OSBPL1A: variants seen among roughly 807,000 people sequenced by gnomAD.
The protein encoded by OSBPL1A is oxysterol binding protein like 1A, also known as oxysterol-binding protein-related protein 1.
OSBPL1A carries 80 observed loss-of-function variants against 137.1 expected under a neutral mutation model. The ratio of observed to expected loss-of-function variants is 0.58; its 90% CI spans 0.49 to 0.70. OSBPL1A has a LOEUF of 0.70. Among genes scored for constraint, OSBPL1A ranks in the 30% least tolerant of loss-of-function variants. The pLI, the probability that OSBPL1A is intolerant of heterozygous loss-of-function variation, is 0.00. For synonymous variants in OSBPL1A, 365 were observed against 389.7 expected, an observed-to-expected ratio of 0.94 and a Z score of 0.75; for missense variants, 970 against 1,129.4, an observed-to-expected ratio of 0.86 and a Z score of 2.02.
At chr18:24,218,703 C>T (rs1159419231) in intron 17 of OSBPL1A, among the ~76,000 whole-genome samples, 2 of 151,944 alleles carry the variant, frequency 1.3e-5, no homozygotes, top group East Asian at 1.9e-4. Context: ...ACCTCGGTCT[C>T]CCAAAGTGCT....
chr18:24,352,797 C>G lies in OSBPL1A; in HGVS notation c.283-11139G>C, dbSNP rs558248782. Among the ~76,000 whole-genome samples the G allele has an allele frequency of 2.0e-3, 302 of 152,106 alleles. 2 individuals carry two copies. Among genetic ancestry groups the G allele is most frequent in the African/African-American group, 7.0e-3 (290 of 41,494 alleles). ...ACTATCTGATCTTTGACAAACCTGA[C>G]AAAAACAAGAAATGGGGAAAGGATT... On this transcript the variant is annotated intron_variant, in intron 4 of 27. Transcript: ENST00000319481.
intron 2 of OSBPL1A, 88 bp downstream of exon 2, chr18:24,377,325 A>G: frequency 7.0e-7 from 1 of 1,427,772 alleles, no homozygotes; most frequent in Non-Finnish European, 9.3e-7. Context: ...GATTAATTAC[A>G]TGATAGATAA....
intron 18 of OSBPL1A, among the ~76,000 whole-genome samples, chr18:24,184,715 T>C (rs1228292105): frequency 6.6e-6 from 1 of 152,174 alleles, no homozygotes; most frequent in African/African-American, 2.4e-5. Context: ...CCCATCTACA[T>C]GCCCCCATCA....
intron 7 of OSBPL1A, among the ~76,000 whole-genome samples, chr18:24,331,681 C>A (rs988391411): frequency 1.3e-5 from 2 of 150,828 alleles, no homozygotes; most frequent in Non-Finnish European, 2.9e-5. Flanking sequence ...CAGGCATGAG[C>A]CACCGCGCCC....
At chr18:24,192,431 T>C (rs939348377) in intron 18 of OSBPL1A, among the ~76,000 whole-genome samples, 1 of 152,190 alleles carries the variant, frequency 6.6e-6, no homozygotes, top group African/African-American at 2.4e-5. Flanking sequence ...AGCCGGAGAT[T>C]TGTTTGTTTG....
chr18:24,222,740 C>CT (rs1423487646), intron 17 of OSBPL1A, among the ~76,000 whole-genome samples: 9 of 152,074 alleles, frequency 5.9e-5, no homozygotes, highest in African/African-American at 2.2e-4. Context: ...AAAAGTTAAG[C>CT]TGGGATTTAA....
At chr18:24,213,574 A>G (rs2087606906) in intron 17 of OSBPL1A, among the ~76,000 whole-genome samples, 1 of 152,058 alleles carries the variant, frequency 6.6e-6, no homozygotes. Flanking sequence ...TCAAAATGAT[A>G]ATAATAATAA....
chr18:24,216,196 C>G (rs2087690519), intron 17 of OSBPL1A, among the ~76,000 whole-genome samples: 1 of 152,146 alleles, frequency 6.6e-6, no homozygotes, highest in Non-Finnish European at 1.5e-5. Flanking sequence ...CCAGACACGC[C>G]TTTGTATTCT....
Position 24,312,858 on chromosome 18 carries a change from T to G in OSBPL1A, c.970-752A>C, listed in dbSNP as rs145744187. Among the ~76,000 whole-genome samples the G allele has an allele frequency of 2.0e-5, 3 of 152,304 alleles. No individual in the cohort carries two copies. In the East Asian group the frequency reaches 5.8e-4, roughly 29 times the overall value. ...TGATTTAAAAGAATAAGAATAGGCC[T>G]GCCGCGGTGGCTCATGCCTGTAATC... On this transcript the variant is annotated intron_variant, in intron 12 of 27. Transcript: ENST00000319481.
intron 15 of OSBPL1A, among the ~76,000 whole-genome samples, chr18:24,259,028 T>C (rs1234920132): frequency 1.3e-5 from 2 of 150,568 alleles, no homozygotes; most frequent in Non-Finnish European, 3.0e-5. Context: ...AGCTCCACTT[T>C]CCGGGTTCAC....
At chr18:24,325,238 AC>A (rs1305710065) in intron 7 of OSBPL1A, among the ~76,000 whole-genome samples, 1 of 152,180 alleles carries the variant, frequency 6.6e-6, no homozygotes, top group Non-Finnish European at 1.5e-5. Context: ...ACACACTCTC[AC>A]ATTCACTTTG....
At chr18:24,280,627 G>T (rs192005894) in intron 15 of OSBPL1A, among the ~76,000 whole-genome samples, 254 of 152,190 alleles carry the variant, frequency 1.7e-3, no homozygotes, top group African/African-American at 5.7e-3. Context: ...ATTAAATATG[G>T]CTACATCAAC....
At chr18:24,264,434 T>C (rs1460973559) in intron 15 of OSBPL1A, among the ~76,000 whole-genome samples, 2 of 152,182 alleles carry the variant, frequency 1.3e-5, no homozygotes, top group African/African-American at 2.4e-5. Flanking sequence ...TAACGCCAAC[T>C]TATAATTCAG....
At chr18:24,285,928 G>A (rs954453105) in intron 14 of OSBPL1A, among the ~76,000 whole-genome samples, 22 of 152,072 alleles carry the variant, frequency 1.4e-4, no homozygotes, top group Admixed American at 3.3e-4. Flanking sequence ...AGGCCGAGGC[G>A]TGCAGATCAC....
intron 4 of OSBPL1A, among the ~76,000 whole-genome samples, chr18:24,343,356 G>A (rs544901151): frequency 3.7e-4 from 56 of 152,210 alleles, no homozygotes; most frequent in South Asian, 1.2e-3. Flanking sequence ...AACATCCAGC[G>A]ATCATGGATG....
chr18:24,271,803 C>T lies in OSBPL1A; in HGVS notation c.1281+9039G>A, dbSNP rs1391664571. 18 of 985,302 alleles carry T rather than the reference C, an allele frequency of 1.8e-5. No individual in the cohort carries two copies. The highest frequency in any genetic ancestry group is 2.2e-5 in the Non-Finnish European group (18 of 829,958). 61.0% of individuals were successfully genotyped at this position (985,302 alleles called of 1,614,324 possible). A position where few individuals can be genotyped will look rare whatever the true frequency, so the allele number is the denominator to read the frequency against. ...CCTAAGTCACCTTTGCGCAGCCTGC[C>T]CCTGGCTCCGGCCGGGCAGCAGCGC... On this transcript the variant is annotated intron_variant, in intron 15 of 27. Coordinates refer to ENST00000319481, the MANE Select transcript of OSBPL1A (RefSeq NM_080597.4). The surrounding 1 kb of genome is among the most constrained non-coding windows in gnomAD (Gnocchi z 4.0).
chr18:24,328,036 CTTTTTTTTTTT>C (rs10563779), intron 7 of OSBPL1A, among the ~76,000 whole-genome samples: 1 of 95,630 alleles, frequency 1.0e-5, no homozygotes, highest in Non-Finnish European at 2.0e-5. Flanking sequence ...AGAAATCACA[CTTTTTTTTTTT>C]TTTTTTTTTT....
chr18:24,356,699 T>C (rs112255093), intron 4 of OSBPL1A, among the ~76,000 whole-genome samples: 1 of 152,174 alleles, frequency 6.6e-6, no homozygotes, highest in African/African-American at 2.4e-5. Context: ...CCCCCAGCCA[T>C]GGCCAAGACA....
At chr18:24,382,588 A>G (rs1356458509) in intron 1 of OSBPL1A, among the ~76,000 whole-genome samples, 1 of 151,876 alleles carries the variant, frequency 6.6e-6, no homozygotes, top group Non-Finnish European at 1.5e-5. Context: ...AATTTTTTTT[A>G]ATAAAAATAT....
Sources: allele counts gnomAD v4.1 joint callset (sites outside exome capture counted in the v4.1 genomes callset), GRCh38; gene constraint gnomAD v4.1.1; non-coding constraint Gnocchi (gnomAD v3.1); transcripts MANE v1.5; gene names NCBI Gene and HGNC (gene_info 2026-07-23, HGNC 2026-07-21).